The following FSTL4 variants were observed in gnomAD, a reference collection of about 807,000 sequenced individuals.
The protein encoded by FSTL4 is follistatin like 4.
In FSTL4, 28 loss-of-function variants were observed where a neutral mutation model predicts 78.2. The ratio of observed to expected loss-of-function variants is 0.36; its 90% CI spans 0.27 to 0.49. The LOEUF is 0.49. Among genes scored for constraint, FSTL4 ranks in the 20% least tolerant of loss-of-function variants. The pLI, the probability that FSTL4 is intolerant of heterozygous loss-of-function variation, is 0.98. For missense variants in FSTL4, 922 were observed against 1,084.9 expected (o/e 0.85, Z 2.11); for synonymous variants, 422 against 440.5 (o/e 0.96, Z 0.53).
intron 4 of FSTL4, among the ~76,000 whole-genome samples, chr5:133,337,227 A>C (rs1361585248): frequency 6.6e-6 from 1 of 152,190 alleles, no homozygotes; most frequent in African/African-American, 2.4e-5. Context: ...GAGGCAAACC[A>C]TTGAGGGACA....
intron 13 of FSTL4, among the ~76,000 whole-genome samples, chr5:133,215,216 A>T (rs1393357550): frequency 6.6e-6 from 1 of 152,180 alleles, no homozygotes; most frequent in Non-Finnish European, 1.5e-5. Context: ...CTTTCAGGTT[A>T]TTCCTCCTTG....
At chr5:133,697,356 C>T in the FSTL4 span, among the ~76,000 whole-genome samples, 1 of 152,186 alleles carries the variant, frequency 6.6e-6, no homozygotes, top group Non-Finnish European at 1.5e-5. Flanking sequence ...GCAGCCTCTC[C>T]ACCAGCCACA....
intron 6 of FSTL4, among the ~76,000 whole-genome samples, chr5:133,266,131 T>A (rs1408644208): frequency 5.9e-5 from 9 of 152,136 alleles, no homozygotes. Flanking sequence ...CAGGAGGCCC[T>A]CACTGGACAT....
chr5:133,783,290 G>T, the FSTL4 span, among the ~76,000 whole-genome samples: 9 of 152,238 alleles, frequency 5.9e-5, no homozygotes, highest in African/African-American at 2.2e-4. Flanking sequence ...AACCAAACAC[G>T]ATCCTGCTCT....
intron 2 of FSTL4, among the ~76,000 whole-genome samples, chr5:133,601,310 GAAGAA>G (rs1221810546): frequency 2.0e-5 from 3 of 152,154 alleles, no homozygotes; most frequent in Non-Finnish European, 4.4e-5. Context: ...GCACTGTAAG[GAAGAA>G]AAGATAAATA....
intron 4 of FSTL4, among the ~76,000 whole-genome samples, chr5:133,335,072 C>G (rs1337495791): frequency 6.6e-6 from 1 of 152,212 alleles, no homozygotes; most frequent in African/African-American, 2.4e-5. Context: ...AGCAAGGCTC[C>G]CGAAACACCT....
At chr5:133,737,043 C>T in the FSTL4 span, among the ~76,000 whole-genome samples, 2 of 152,066 alleles carry the variant, frequency 1.3e-5, no homozygotes, top group Non-Finnish European at 2.9e-5. Flanking sequence ...GGGTATCCAG[C>T]CCCTCAAGCA....
chr5:133,745,883 C>A, the FSTL4 span, among the ~76,000 whole-genome samples: 2 of 152,222 alleles, frequency 1.3e-5, no homozygotes, highest in Non-Finnish European at 2.9e-5. Context: ...TTGCGTCCCC[C>A]TCACGTTAAT....
chr5:133,310,611 A>G (rs12186441), intron 6 of FSTL4, among the ~76,000 whole-genome samples: 4,626 of 152,322 alleles, frequency 0.03, 84 homozygotes, highest in Non-Finnish European at 0.048. Context: ...GATGGTGCCC[A>G]AGCAGTGCTA....
chr5:133,225,058 G>T lies in FSTL4; in HGVS notation c.1312+92C>A. Reference sequence around the variant, plus strand: ...CCCCTGTCTTCACGGGCTCATGGTTGGCAGCTGTGGCCCTGGTCAATTGGT... The same window carrying T: ...CCCCTGTCTTCACGGGCTCATGGTTTGCAGCTGTGGCCCTGGTCAATTGGT... On this transcript the variant is annotated intron_variant, in intron 10 of 15. Coordinates refer to ENST00000265342, the MANE Select transcript of FSTL4 (RefSeq NM_015082.2). The surrounding 1 kb of genome is among the most constrained non-coding windows in gnomAD (Gnocchi z 4.6). 1 of 1,415,880 alleles carries T rather than the reference G, an allele frequency of 7.1e-7. No homozygotes were observed. Among genetic ancestry groups the T allele is most frequent in the Non-Finnish European group, 9.9e-7 (1 of 1,007,794 alleles). 87.7% of individuals were successfully genotyped at this position (1,415,880 alleles called of 1,614,324 possible).
chr5:133,697,774 G>A, the FSTL4 span, among the ~76,000 whole-genome samples: 7 of 152,152 alleles, frequency 4.6e-5, no homozygotes, highest in African/African-American at 9.7e-5. Context: ...CCAACCTCAC[G>A]TGAGACTATC....
the FSTL4 span, among the ~76,000 whole-genome samples, chr5:133,831,034 C>T: frequency 2.4e-4 from 36 of 152,192 alleles, 1 homozygote; most frequent in Non-Finnish European, 4.0e-4. Flanking sequence ...AACACAGGGC[C>T]GAGACGCTTA....
At chr5:133,258,432 G>T (rs1451551401) in intron 6 of FSTL4, among the ~76,000 whole-genome samples, 5 of 152,134 alleles carry the variant, frequency 3.3e-5, no homozygotes, top group Non-Finnish European at 7.3e-5. Flanking sequence ...AATGAGCCTG[G>T]GTAAGAGGGA....
chr5:133,284,273 C>G (rs938887780), intron 6 of FSTL4, among the ~76,000 whole-genome samples: 1 of 152,230 alleles, frequency 6.6e-6, no homozygotes, highest in Non-Finnish European at 1.5e-5. Flanking sequence ...TCATAAGGAG[C>G]AATTCTCACA....
chr5:133,316,362 G>A (rs1041539091), intron 5 of FSTL4, 97 bp downstream of exon 5: 55 of 868,796 alleles, frequency 6.3e-5, no homozygotes, highest in Non-Finnish European at 9.5e-5. Context: ...TGTTCTCAGA[G>A]GTATTGAACA....
At chr5:133,772,584 T>C in the FSTL4 span, among the ~76,000 whole-genome samples, 2 of 152,298 alleles carry the variant, frequency 1.3e-5, no homozygotes, top group African/African-American at 4.8e-5. Context: ...AAGTTCAAGT[T>C]CAAGGGGCCA....
At chr5:133,430,257 C>T (rs538395244) in intron 3 of FSTL4, among the ~76,000 whole-genome samples, 1 of 152,214 alleles carries the variant, frequency 6.6e-6, no homozygotes, top group Non-Finnish European at 1.5e-5. Context: ...TTCATGTGTA[C>T]CTGGAGCTTG....
chr5:133,687,580 C>T, the FSTL4 span, among the ~76,000 whole-genome samples: 1 of 152,292 alleles, frequency 6.6e-6, no homozygotes, highest in Middle Eastern at 3.4e-3. Context: ...CTTTGGAAAG[C>T]CTTCCATTCT....
At chr5:133,712,956 C>T in the FSTL4 span, among the ~76,000 whole-genome samples, 8 of 152,170 alleles carry the variant, frequency 5.3e-5, no homozygotes, top group African/African-American at 1.9e-4. Flanking sequence ...ACGTAAGAAG[C>T]TGGTGCTGAG....
Sources: gnomAD v4.1 joint callset for allele counts (sites outside exome capture counted in the v4.1 genomes callset) on GRCh38, gnomAD v4.1.1 for gene constraint, Gnocchi (gnomAD v3.1) non-coding constraint, MANE v1.5 for transcripts, NCBI Gene and HGNC (gene_info 2026-07-23, HGNC 2026-07-21) for gene names.